LNPK: variants seen among roughly 807,000 people sequenced by gnomAD.
LNPK encodes lunapark, ER junction formation factor, also known as endoplasmic reticulum junction formation protein lunapark.
Under a neutral mutation model 55.2 loss-of-function variants are expected in LNPK, and 29 were observed. That is an observed-to-expected ratio of 0.53 (90% confidence interval 0.39 to 0.72). LNPK has a LOEUF of 0.72. Ranked by LOEUF, LNPK falls within the 30% of genes least tolerant of loss-of-function variation. The probability of loss-of-function intolerance (pLI) is 0.00; values close to 1 mark genes in which losing one functional copy is unlikely to be tolerated. For missense variants in LNPK, 467 were observed against 494.8 expected (o/e 0.94, Z 0.53); for synonymous variants, 162 against 168.2 (o/e 0.96, Z 0.29).
chr2:175,965,506 C>A (rs1686281192), intron 6 of LNPK, among the ~76,000 whole-genome samples: 1 of 152,104 alleles, frequency 6.6e-6, no homozygotes, highest in Non-Finnish European at 1.5e-5. Context: ...CCACTGATAA[C>A]CACTAAGATT....
rs943604743 is a variant in LNPK, at chr2:175,947,609, C to T, written c.577G>A (p.Val193Ile). The change falls in exon 9 of 13, where the codon GTA (valine) becomes ATA (isoleucine). Residue 193 changes from valine to isoleucine, a missense_variant. Transcript: ENST00000272748. ...PNQGPPPQVP[V>I]SPGPPKDSSA... ...CTGTCCTTTGGTGGTCCAGGAGATA[C>T]TGGAACTTGTGGAGGAGGGCCCTGG... 5 of 1,613,986 alleles carry T rather than the reference C, an allele frequency of 3.1e-6. No individual in the cohort carries two copies. Among genetic ancestry groups the T allele is most frequent in the Non-Finnish European group, 4.2e-6 (5 of 1,179,958 alleles).
rs781246068 is a variant in LNPK, at chr2:175,930,011, T to C, written c.1243A>G (p.Ile415Val). ...TCTCCACTTAGTTCAGGATCAGGAATAGAATCAGCTCCAGGAACTGTGGAG... is the reference window on the plus strand; with the variant it reads ...TCTCCACTTAGTTCAGGATCAGGAACAGAATCAGCTCCAGGAACTGTGGAG... ...TNSTVPGADS[I>V]PDPELSGESL... Residue 415 changes from isoleucine to valine, a missense_variant, in exon 13 of 13, where the codon ATT (isoleucine) becomes GTT (valine). Coordinates refer to ENST00000272748, the MANE Select transcript of LNPK (RefSeq NM_030650.3). 3.1e-6 allele frequency: 5 copies of C among 1,613,944 alleles called. No individual in the cohort carries two copies. The highest frequency in any genetic ancestry group is 4.2e-6 in the Non-Finnish European group (5 of 1,179,962).
At chr2:175,943,671 T>C (rs1302789577) in intron 9 of LNPK, among the ~76,000 whole-genome samples, 1 of 151,988 alleles carries the variant, frequency 6.6e-6, no homozygotes, top group Admixed American at 6.6e-5. Flanking sequence ...CAAAGCCCAA[T>C]ATAAACATCT....
chr2:175,950,724 G>C (rs1475363530), intron 8 of LNPK, among the ~76,000 whole-genome samples: 1 of 151,998 alleles, frequency 6.6e-6, no homozygotes, highest in Admixed American at 6.6e-5. Context: ...ACTCAGTTCA[G>C]CTTTCTCATA....
At chr2:175,953,839 A>C (rs1685549508) in intron 8 of LNPK, among the ~76,000 whole-genome samples, 1 of 151,920 alleles carries the variant, frequency 6.6e-6, no homozygotes, top group Non-Finnish European at 1.5e-5. Context: ...GCCTCCATTG[A>C]CTTTATATGT....
At chr2:175,967,226 T>G (rs193136030) in intron 6 of LNPK, among the ~76,000 whole-genome samples, 6 of 152,196 alleles carry the variant, frequency 3.9e-5, no homozygotes, top group Non-Finnish European at 5.9e-5. Flanking sequence ...TTTTCTGTAA[T>G]ACGGTTGTAC....
intron 4 of LNPK, among the ~76,000 whole-genome samples, chr2:175,988,467 G>A (rs1687533589): frequency 7.2e-6 from 1 of 138,030 alleles, no homozygotes; most frequent in Non-Finnish European, 1.5e-5. Flanking sequence ...AGGCAAGAGT[G>A]CACCATTACA....
intron 10 of LNPK, among the ~76,000 whole-genome samples, 161 bp downstream of exon 10, chr2:175,939,391 T>C (rs922268546): frequency 6.6e-6 from 1 of 152,194 alleles, no homozygotes; most frequent in African/African-American, 2.4e-5. Context: ...AAACTTCTAC[T>C]GTCAAATAAT....
Position 175,927,792 on chromosome 2 carries a change from AT to A in LNPK, c.*2174del, listed in dbSNP as rs1559016521. On this transcript the variant is annotated 3_prime_UTR_variant, in exon 13 of 13. Coordinates refer to ENST00000272748, the MANE Select transcript of LNPK (RefSeq NM_030650.3). ...CCATTAACTGTTTATTATAATAATA[AT>A]GAAAATAAGCTTTTGTATCTAAAAG... is the stretch of plus-strand genomic sequence containing the variant. The A allele has an allele frequency of 6.7e-6, 1 of 148,190 alleles. No homozygotes were observed. Among genetic ancestry groups the A allele is most frequent in the Non-Finnish European group, 1.5e-5 (1 of 66,020 alleles). The allele number at this position is 148,190 out of a possible 1,614,324, so 9.2% of individuals were successfully genotyped here.
chr2:175,963,449 A>G (rs1006873421), intron 8 of LNPK, among the ~76,000 whole-genome samples: 10 of 152,138 alleles, frequency 6.6e-5, no homozygotes, highest in East Asian at 5.8e-4. Context: ...GTAAACTATC[A>G]CAAGAACAAA....
At chr2:175,940,600 A>C (rs1574816272) in intron 9 of LNPK, among the ~76,000 whole-genome samples, 7 of 152,320 alleles carry the variant, frequency 4.6e-5, no homozygotes, top group Admixed American at 4.6e-4. Flanking sequence ...TGAATAAGGT[A>C]AAATTCACAA....
Position 175,928,930 on chromosome 2 carries a change from A to T in LNPK, c.*1037T>A. ...AATCAGAAAAACCTAACTTCTGATT[A>T]AAACCTCTAAATGTCACTATTTCTG... On this transcript the variant is annotated 3_prime_UTR_variant, in exon 13 of 13. Coordinates refer to ENST00000272748, the MANE Select transcript of LNPK (RefSeq NM_030650.3). 1 of 195,022 alleles carries T rather than the reference A, an allele frequency of 5.1e-6. No individual in the cohort carries two copies. The highest frequency in any genetic ancestry group is 9.4e-6 in the Non-Finnish European group (1 of 106,894). The allele number at this position is 195,022 out of a possible 1,614,324, so 12.1% of individuals were successfully genotyped here.
intron 12 of LNPK, among the ~76,000 whole-genome samples, chr2:175,936,632 T>C (rs965839663): frequency 6.6e-6 from 1 of 152,180 alleles, no homozygotes; most frequent in Non-Finnish European, 1.5e-5. Context: ...ATTAATACTG[T>C]AGCAAGAAAG....
intron 9 of LNPK, among the ~76,000 whole-genome samples, chr2:175,941,558 C>G (rs1009983753): frequency 2.0e-5 from 3 of 151,052 alleles, no homozygotes; most frequent in Admixed American, 6.6e-5. Flanking sequence ...TTTAGGAGGC[C>G]GAGGTGGGCA....
intron 9 of LNPK, among the ~76,000 whole-genome samples, chr2:175,941,353 C>CA (rs1387139121): frequency 6.7e-6 from 1 of 149,476 alleles, no homozygotes; most frequent in African/African-American, 2.4e-5. Context: ...AAGAAAAAGA[C>CA]AAAACTATTT....
intron 1 of LNPK, among the ~76,000 whole-genome samples, chr2:175,997,705 C>CTGTGTGTGTGTGTGTG (rs35147185): frequency 0.036 from 5,182 of 144,040 alleles, 110 homozygotes; most frequent in East Asian, 0.066. Flanking sequence ...AACAAATGCT[C>CTGTGTGTGTGTGTGTG]TGTGTGTGTG....
At chr2:175,998,300 C>G (rs1215643786) in intron 1 of LNPK, among the ~76,000 whole-genome samples, 2 of 151,858 alleles carry the variant, frequency 1.3e-5, no homozygotes, top group Non-Finnish European at 2.9e-5. Context: ...AAAAATTAGC[C>G]AGGCGTGGTG....
At chr2:175,983,140 T>C (rs1400054995) in intron 4 of LNPK, among the ~76,000 whole-genome samples, 11 of 152,324 alleles carry the variant, frequency 7.2e-5, no homozygotes, top group Admixed American at 5.9e-4. Context: ...AAACCCATGT[T>C]TGTAACAATG....
At chr2:175,940,684 A>G (rs1319593839) in intron 9 of LNPK, among the ~76,000 whole-genome samples, 1 of 152,210 alleles carries the variant, frequency 6.6e-6, no homozygotes, top group Non-Finnish European at 1.5e-5. Context: ...AAAATCAATC[A>G]AAATTGACCC....
Sources: allele counts gnomAD v4.1 joint callset (sites outside exome capture counted in the v4.1 genomes callset), GRCh38; gene constraint gnomAD v4.1.1; transcripts MANE v1.5; gene names NCBI Gene and HGNC (gene_info 2026-07-23, HGNC 2026-07-21).